PPFIA2: variants seen among roughly 807,000 people sequenced by gnomAD.
The protein encoded by PPFIA2 is liprin-alpha-2.
PPFIA2 carries 46 observed loss-of-function variants against 175.5 expected under a neutral mutation model. The observed-to-expected ratio is 0.26, with a 90% CI of 0.21 to 0.34. PPFIA2 has a LOEUF of 0.34. Among genes scored for constraint, PPFIA2 ranks in the 10% least tolerant of loss-of-function variants. The pLI is 1.00. For missense variants in PPFIA2, 1,179 were observed against 1,506.1 expected, an observed-to-expected ratio of 0.78 and a Z score of 3.60; for synonymous variants, 568 against 511.4, an observed-to-expected ratio of 1.11 and a Z score of -1.49.
chr12:81,599,248 A>C (rs1259527869), intron 4 of PPFIA2, among the ~76,000 whole-genome samples: 2 of 152,004 alleles, frequency 1.3e-5, no homozygotes, highest in Admixed American at 1.3e-4. Context: ...ATAGTCATAC[A>C]TAATAAAAAC....
chr12:81,705,563 A>C (rs563178669), intron 3 of PPFIA2, among the ~76,000 whole-genome samples: 2 of 152,132 alleles, frequency 1.3e-5, no homozygotes, highest in Non-Finnish European at 2.9e-5. Flanking sequence ...AATCCTATGA[A>C]CCTCAAATCA....
chr12:81,685,425 A>T (rs1048311756), intron 3 of PPFIA2, among the ~76,000 whole-genome samples: 2 of 152,050 alleles, frequency 1.3e-5, no homozygotes, highest in African/African-American at 4.8e-5. Context: ...CTTTAAAACA[A>T]AAAAAGGGGA....
intron 4 of PPFIA2, among the ~76,000 whole-genome samples, chr12:81,512,735 T>C (rs2061949712): frequency 6.6e-6 from 1 of 152,064 alleles, no homozygotes; most frequent in Admixed American, 6.6e-5. Flanking sequence ...CTCATTCTTA[T>C]GCTTTTACAG....
At chr12:81,422,137 T>C (rs2046375999) in intron 7 of PPFIA2, among the ~76,000 whole-genome samples, 1 of 72,582 alleles carries the variant, frequency 1.4e-5, no homozygotes, top group African/African-American at 9.2e-5. Context: ...TGTATATATA[T>C]GTGTATATAT....
At position 81,362,719 on chromosome 12, in the gene PPFIA2, G is replaced by A; in HGVS notation, c.1611C>T (p.Gly537=). Residue 537 remains glycine (G), a synonymous_variant, in exon 15 of 33, where the codon GGC becomes GGT. Coordinates refer to ENST00000549396, the MANE Select transcript of PPFIA2 (RefSeq NM_003625.5). ...TTGGTATTGTGGGTTCAATTAAAGA[G>A]CCAGTTCTCATTTTCAATTGGTCAA... ...SELDQLKMRT[G]SLIEPTIPRT... is the part of the protein sequence containing the mutation. 1.3e-6 allele frequency: 2 copies of A among 1,546,712 alleles called. No individual in the cohort carries two copies. The highest frequency in any genetic ancestry group is 2.4e-5 in the East Asian group (1 of 40,932).
intron 4 of PPFIA2, among the ~76,000 whole-genome samples, chr12:81,500,011 A>G (rs962906839): frequency 6.6e-6 from 1 of 152,060 alleles, no homozygotes. Flanking sequence ...CCATGCACTG[A>G]CAACTACTTC....
chr12:81,278,077 C>T (rs138212365), intron 27 of PPFIA2, among the ~76,000 whole-genome samples: 7 of 152,000 alleles, frequency 4.6e-5, no homozygotes, highest in African/African-American at 1.4e-4. Flanking sequence ...GTGTGGTTAG[C>T]GAGACACACA....
intron 4 of PPFIA2, among the ~76,000 whole-genome samples, chr12:81,595,080 G>A (rs527689717): frequency 4.6e-5 from 7 of 152,004 alleles, no homozygotes; most frequent in African/African-American, 1.7e-4. Context: ...AGGATATCTG[G>A]GAGGAGGAAC....
At chr12:81,420,778 C>T (rs1410930532) in intron 7 of PPFIA2, among the ~76,000 whole-genome samples, 4 of 149,196 alleles carry the variant, frequency 2.7e-5, no homozygotes, top group African/African-American at 9.8e-5. Context: ...CTGAAAAATC[C>T]CCAAATCTCA....
intron 4 of PPFIA2, among the ~76,000 whole-genome samples, chr12:81,645,502 T>C (rs557548057): frequency 9.4e-4 from 143 of 152,300 alleles, no homozygotes; most frequent in African/African-American, 3.3e-3. Context: ...TATTTCTACT[T>C]CGGATGTAAA....
intron 6 of PPFIA2, among the ~76,000 whole-genome samples, chr12:81,440,672 A>G (rs2050014236): frequency 6.6e-6 from 1 of 151,856 alleles, no homozygotes; most frequent in South Asian, 2.1e-4. Context: ...ATAGAACAAA[A>G]ATCTCTGTAT....
intron 8 of PPFIA2, among the ~76,000 whole-genome samples, chr12:81,399,000 CT>C (rs2041670754): frequency 6.6e-6 from 1 of 151,920 alleles, no homozygotes; most frequent in Admixed American, 6.6e-5. Flanking sequence ...TTCTGGGGAG[CT>C]TGTGTTTCAT....
intron 4 of PPFIA2, among the ~76,000 whole-genome samples, chr12:81,638,764 T>G (rs2064493914): frequency 1.5e-5 from 2 of 133,418 alleles, no homozygotes; most frequent in South Asian, 5.1e-4. Flanking sequence ...CTCGGCTCAC[T>G]GCAAGCTCCG....
At chr12:81,422,547 G>A (rs538287683) in intron 7 of PPFIA2, among the ~76,000 whole-genome samples, 1 of 152,172 alleles carries the variant, frequency 6.6e-6, no homozygotes, top group South Asian at 2.1e-4. Flanking sequence ...TACTACAGAT[G>A]GAAGGGAGTC....
chr12:81,574,602 A>C (rs1165755169), intron 4 of PPFIA2, among the ~76,000 whole-genome samples: 1 of 151,704 alleles, frequency 6.6e-6, no homozygotes, highest in African/African-American at 2.4e-5. Context: ...TTTTAGTCAT[A>C]TCTCCAGAAT....
At chr12:81,717,123 A>G (rs1294377234) in intron 3 of PPFIA2, among the ~76,000 whole-genome samples, 1 of 151,664 alleles carries the variant, frequency 6.6e-6, no homozygotes, top group East Asian at 1.9e-4. Context: ...TAGTCTATGT[A>G]GGCTACATAC....
chr12:81,726,062 G>A (rs2080033768), intron 3 of PPFIA2, among the ~76,000 whole-genome samples: 1 of 151,038 alleles, frequency 6.6e-6, no homozygotes, highest in South Asian at 2.1e-4. Context: ...AAGAAATTGA[G>A]TCAACCAGAA....
At chr12:81,376,093 C>T (rs926645091) in intron 9 of PPFIA2, among the ~76,000 whole-genome samples, 151 bp from the exon 10 acceptor site, 1 of 152,140 alleles carries the variant, frequency 6.6e-6, no homozygotes, top group Admixed American at 6.6e-5. Flanking sequence ...TGTGAGATTG[C>T]AGGTGCATGT....
intron 4 of PPFIA2, among the ~76,000 whole-genome samples, chr12:81,476,580 C>G (rs573505772): frequency 3.6e-4 from 55 of 152,212 alleles, no homozygotes; most frequent in Non-Finnish European, 6.8e-4. Flanking sequence ...TCAACTAAAA[C>G]AGATTCACAT....
Sources: allele counts gnomAD v4.1 joint callset (sites outside exome capture counted in the v4.1 genomes callset), GRCh38; gene constraint gnomAD v4.1.1; transcripts MANE v1.5; gene names NCBI Gene and HGNC (gene_info 2026-07-23, HGNC 2026-07-21).